Variants in PCMTD2 observed in about 807,000 individuals in gnomAD.
PCMTD2 encodes protein-L-isoaspartate O-methyltransferase domain-containing protein 2.
Under a neutral mutation model 33.4 loss-of-function variants are expected in PCMTD2, and 16 were observed. That is an observed-to-expected ratio of 0.48 (90% confidence interval 0.32 to 0.73). The LOEUF is 0.73. Ranked by LOEUF, PCMTD2 falls within the 30% of genes least tolerant of loss-of-function variation. PCMTD2 has a pLI of 0.03. For synonymous variants in PCMTD2, 161 were observed against 160.8 expected (o/e 1.00, Z -0.01); for missense variants, 374 against 449.9 (o/e 0.83, Z 1.53).
At chr20:64,269,014 C>A (rs1423944051) in intron 5 of PCMTD2, among the ~76,000 whole-genome samples, 1 of 152,224 alleles carries the variant, frequency 6.6e-6, no homozygotes, top group Non-Finnish European at 1.5e-5. Flanking sequence ...AAAGTACCAG[C>A]AGTGGCAGGA....
intron 2 of PCMTD2, among the ~76,000 whole-genome samples, chr20:64,264,212 A>G (rs1271298015): frequency 6.6e-6 from 1 of 152,154 alleles, no homozygotes; most frequent in African/African-American, 2.4e-5. Context: ...GTTTGTCTCC[A>G]TTTTCAAATG....
At chr20:64,263,408 C>T (rs1393508176) in intron 2 of PCMTD2, among the ~76,000 whole-genome samples, 1 of 152,156 alleles carries the variant, frequency 6.6e-6, no homozygotes, top group Non-Finnish European at 1.5e-5. Flanking sequence ...TAGGAGGGCC[C>T]ACACGGTGCA....
chr20:64,265,636 G>A (rs746318338), intron 4 of PCMTD2: 7 of 410,788 alleles, frequency 1.7e-5, no homozygotes, highest in African/African-American at 2.0e-5. Context: ...GAGCCTGCAC[G>A]TGAAACGCTT....
chr20:64,272,658 A>G (rs1028837660), intron 5 of PCMTD2, among the ~76,000 whole-genome samples: 16 of 152,176 alleles, frequency 1.1e-4, no homozygotes, highest in African/African-American at 3.6e-4. Flanking sequence ...CGTCTCTACT[A>G]AAAATACAAA....
chr20:64,273,028 T>TA (rs1985969238), intron 5 of PCMTD2, among the ~76,000 whole-genome samples, 193 bp from the exon 6 acceptor site: 1 of 152,232 alleles, frequency 6.6e-6, no homozygotes, highest in African/African-American at 2.4e-5. Flanking sequence ...CATTTGGAAA[T>TA]ATCTTTTGAA....
Position 64,260,102 on chromosome 20 carries a change from T to G in PCMTD2, c.137T>G (p.Phe46Cys). The change falls in exon 2 of 6, where the codon TTT becomes TGT. Residue 46 changes from phenylalanine to cysteine, a missense_variant. Coordinates refer to ENST00000308824, the MANE Select transcript of PCMTD2 (RefSeq NM_018257.3). ...IDRADYYLEEFKENAYKDLAW... is the reference protein window; with the variant it reads ...IDRADYYLEECKENAYKDLAW... ...CGTGCAGACTATTATCTTGAAGAATTTAAAGAAAATGCTTATAAAGACTTG... is the reference window on the plus strand; with the variant it reads ...CGTGCAGACTATTATCTTGAAGAATGTAAAGAAAATGCTTATAAAGACTTG... 2 of 1,613,746 alleles carry G rather than the reference T, an allele frequency of 1.2e-6. No individual in the cohort carries two copies. Among genetic ancestry groups the G allele is most frequent in the Non-Finnish European group, 1.7e-6 (2 of 1,179,704 alleles).
chr20:64,259,366 T>A (rs1985296843), intron 1 of PCMTD2, among the ~76,000 whole-genome samples: 1 of 150,000 alleles, frequency 6.7e-6, no homozygotes, highest in South Asian at 2.1e-4. Context: ...GGACACCACC[T>A]AAAGTTTTTT....
rs1225737150 is a variant in PCMTD2 at position 64,273,621 on chromosome 20, A to G, written c.*21A>G. On this transcript the variant is annotated 3_prime_UTR_variant, in exon 6 of 6. Transcript: ENST00000308824. ...AATAAGTCTCCTGTTTGAAAGGGGG[A>G]AATAGGAAGAGCAGATTGCTGAGTG... The G allele has an allele frequency of 1.3e-6, 2 of 1,512,356 alleles. No homozygotes were observed. Among genetic ancestry groups the G allele is most frequent in the South Asian group, 2.8e-5 (2 of 72,670 alleles). 93.7% of individuals were successfully genotyped at this position (1,512,356 alleles called of 1,614,324 possible). A position where few individuals can be genotyped will look rare whatever the true frequency, so the allele number is the denominator to read the frequency against.
At chr20:64,269,604 A>T (rs1254916469) in intron 5 of PCMTD2, among the ~76,000 whole-genome samples, 2 of 152,128 alleles carry the variant, frequency 1.3e-5, no homozygotes, top group Non-Finnish European at 1.5e-5. Context: ...AAACTCTGTG[A>T]GTGTAGACAT....
intron 1 of PCMTD2, 46 bp downstream of exon 1, chr20:64,255,916 G>T (rs1023122134): frequency 2.6e-5 from 4 of 153,700 alleles, no homozygotes; most frequent in South Asian, 2.0e-4. Context: ...GGCCTGCGGC[G>T]AGCGGGTGGT....
At chr20:64,268,498 G>A (rs980346483) in intron 5 of PCMTD2, among the ~76,000 whole-genome samples, 4 of 152,184 alleles carry the variant, frequency 2.6e-5, no homozygotes, top group African/African-American at 9.7e-5. Flanking sequence ...TTACACAGCC[G>A]AGCCTTTGTG....
In PCMTD2 at chr20:64,258,406, A is replaced by G. The variant is rs1985259305; in HGVS notation, c.-24-1536A>G. On this transcript the variant is annotated intron_variant, in intron 1 of 5. Transcript: ENST00000308824. ...AATTCAAAAAGGGTGTGAAAATTTA[A>G]TGACTGGACCATCCTATTGATTTGC... 2.6e-5 allele frequency among the ~76,000 whole-genome samples: 4 copies of G among 152,356 alleles called. No homozygotes were observed. The Middle Eastern group carries it at 0.01, about 389-fold the overall frequency.
chr20:64,264,365 G>T lies in PCMTD2; in HGVS notation c.308-64G>T, dbSNP rs1231989867. 3.7e-6 allele frequency: 3 copies of T among 813,816 alleles called. No homozygotes were observed. The South Asian group carries it at 4.2e-5, about 11-fold the overall frequency. 50.4% of individuals were successfully genotyped at this position (813,816 alleles called of 1,614,324 possible). ...GTCAGACGTGTTACAGTTGGTAGAA[G>T]TGAACAGATGAGCAAGAGTTCTTAC... On this transcript the variant is annotated intron_variant, in intron 2 of 5. Coordinates refer to ENST00000308824, the MANE Select transcript of PCMTD2 (RefSeq NM_018257.3).
intron 3 of PCMTD2, among the ~76,000 whole-genome samples, chr20:64,264,822 A>C: frequency 6.6e-6 from 1 of 152,242 alleles, no homozygotes. Flanking sequence ...TTGTCTCTAA[A>C]CAGTATATGT....
In PCMTD2 at chr20:64,273,377, A is replaced by C; in HGVS notation, c.863A>C (p.Glu288Ala). The part of the protein sequence containing the change: ...KRRRVRRRRM[E>A]TIVFLDKEVF... ...AGGAGAGTTCGCCGCCGTCGAATGG[A>C]AACGATTGTCTTTTTGGACAAAGAA... Residue 288 changes from glutamate (E) to alanine (A), a missense_variant, in exon 6 of 6, where the codon GAA becomes GCA. Transcript: ENST00000308824. 1 of 1,614,192 alleles carries C rather than the reference A, an allele frequency of 6.2e-7. No homozygotes were observed. The highest frequency in any genetic ancestry group is 8.5e-7 in the Non-Finnish European group (1 of 1,180,008).
intron 2 of PCMTD2, among the ~76,000 whole-genome samples, chr20:64,263,622 A>G (rs1301598098): frequency 1.3e-5 from 2 of 152,180 alleles, no homozygotes; most frequent in Non-Finnish European, 2.9e-5. Context: ...ATTCTGGTGG[A>G]CTTTTACATA....
At position 64,274,168 on chromosome 20, in the gene PCMTD2, CTTATT is replaced by C. The variant is rs1568739289; in HGVS notation, c.*572_*576del. 1.3e-5 allele frequency: 2 copies of C among 152,216 alleles called. No homozygotes were observed. Among genetic ancestry groups the C allele is most frequent in the Non-Finnish European group, 2.9e-5 (2 of 68,044 alleles). The allele number at this position is 152,216 out of a possible 1,614,324, so 9.4% of individuals were successfully genotyped here. On this transcript the variant is annotated 3_prime_UTR_variant, in exon 6 of 6. Coordinates refer to ENST00000308824, the MANE Select transcript of PCMTD2 (RefSeq NM_018257.3). ...GGGAAACATTATTGAGAAGCCCTCCCTTATTTTAAGTAAGTTGATTAAATCTTATG... is the reference window on the plus strand; with the variant it reads ...GGGAAACATTATTGAGAAGCCCTCCCTTAAGTAAGTTGATTAAATCTTATG...
At chr20:64,263,457 A>G (rs1033610555) in intron 2 of PCMTD2, among the ~76,000 whole-genome samples, 3 of 152,140 alleles carry the variant, frequency 2.0e-5, no homozygotes, top group Non-Finnish European at 4.4e-5. Flanking sequence ...ATTTCTTAGC[A>G]TTTCTGTTAG....
chr20:64,268,839 T>C (rs1985766627), intron 5 of PCMTD2, among the ~76,000 whole-genome samples: 1 of 152,238 alleles, frequency 6.6e-6, no homozygotes, highest in African/African-American at 2.4e-5. Flanking sequence ...CTTTGGTCTC[T>C]ACTAAGTACA....
Sources: allele counts gnomAD v4.1 joint callset (sites outside exome capture counted in the v4.1 genomes callset), GRCh38; gene constraint gnomAD v4.1.1; transcripts MANE v1.5; gene names NCBI Gene and HGNC (gene_info 2026-07-23, HGNC 2026-07-21).